Variants in SSH2 observed in about 807,000 individuals in gnomAD.
The protein encoded by SSH2 is protein phosphatase Slingshot homolog 2.
Under a neutral mutation model 135.2 loss-of-function variants are expected in SSH2, and 37 were observed. That is an observed-to-expected ratio of 0.27 (90% confidence interval 0.21 to 0.36). The LOEUF (loss-of-function observed/expected upper bound fraction) is 0.36. Among genes scored for constraint, SSH2 ranks in the 10% least tolerant of loss-of-function variants. The pLI, the probability that SSH2 is intolerant of heterozygous loss-of-function variation, is 1.00. For synonymous variants in SSH2, 628 were observed against 646.2 expected, an observed-to-expected ratio of 0.97 and a Z score of 0.43; for missense variants, 1,408 against 1,765.3, an observed-to-expected ratio of 0.80 and a Z score of 3.63.
At chr17:29,916,596 G>A (rs1396013149) in intron 1 of SSH2, among the ~76,000 whole-genome samples, 1 of 151,934 alleles carries the variant, frequency 6.6e-6, no homozygotes, top group Non-Finnish European at 1.5e-5. Context: ...GAGTAGCTGG[G>A]ATAACAGGCG....
At chr17:29,762,715 C>T (rs956912585) in intron 3 of SSH2, among the ~76,000 whole-genome samples, 4 of 152,104 alleles carry the variant, frequency 2.6e-5, no homozygotes, top group Non-Finnish European at 5.9e-5. Context: ...TATGACTGCG[C>T]TCTCTCTCTC....
At chr17:29,700,041 A>G (rs1335448452) in intron 4 of SSH2, among the ~76,000 whole-genome samples, 1 of 152,226 alleles carries the variant, frequency 6.6e-6, no homozygotes, top group Non-Finnish European at 1.5e-5. Flanking sequence ...GTGAAGGCCC[A>G]AACAAGTAGT....
intron 15 of SSH2, among the ~76,000 whole-genome samples, chr17:29,635,184 G>T (rs536838810): frequency 1.3e-5 from 2 of 152,258 alleles, no homozygotes; most frequent in Non-Finnish European, 2.9e-5. Flanking sequence ...TTACAGGCGT[G>T]AGCCACCGCG....
chr17:29,753,535 G>A (rs143725324), intron 3 of SSH2, among the ~76,000 whole-genome samples: 61 of 151,652 alleles, frequency 4.0e-4, no homozygotes, highest in Middle Eastern at 3.4e-3. Flanking sequence ...GGTGCCTCAC[G>A]TCTGTACTCC....
intron 1 of SSH2, among the ~76,000 whole-genome samples, chr17:29,913,347 A>ATTATATATATATAT (rs1429739888): frequency 3.5e-5 from 1 of 28,786 alleles, no homozygotes; most frequent in Non-Finnish European, 5.9e-5. Context: ...AAAAAAAAAA[A>ATTATATATATATAT]ATATATATAT....
rs576327909 is a variant in SSH2 at position 29,647,741 on chromosome 17, C to T, written c.1427+403G>A. 4.3e-5 allele frequency: 9 copies of T among 209,194 alleles called. No homozygotes were observed. In the East Asian group the frequency reaches 1.0e-3, roughly 24 times the overall value. 13.0% of individuals were successfully genotyped at this position (209,194 alleles called of 1,614,324 possible). A position where few individuals can be genotyped will look rare whatever the true frequency, so the allele number is the denominator to read the frequency against. On this transcript the variant is annotated intron_variant, in intron 14 of 15. Transcript: ENST00000540801. Reference sequence around the variant, plus strand: ...TGCATGGTACAATCTCAGCTCACTGCAACCTCTGCCTCCCAGGTTCAAGCG... The same window carrying T: ...TGCATGGTACAATCTCAGCTCACTGTAACCTCTGCCTCCCAGGTTCAAGCG...
Position 29,742,031 on chromosome 17 carries a change from T to C in SSH2, c.189-38969A>G, listed in dbSNP as rs538058009. 2.0e-4 allele frequency among the ~76,000 whole-genome samples: 29 copies of C among 148,062 alleles called. 1 individual carries two copies. In the South Asian group the frequency reaches 6.3e-3, roughly 32 times the overall value. On this transcript the variant is annotated intron_variant, in intron 3 of 15. Coordinates refer to ENST00000540801, the MANE Select transcript of SSH2 (RefSeq NM_001282129.2). ...CTCACTGCAACTTCCGCCTCCCGGG[T>C]TCAAACAATTCTTCTGCCTCAGGCT...
intron 3 of SSH2, among the ~76,000 whole-genome samples, chr17:29,722,264 A>C (rs1237943322): frequency 1.4e-5 from 2 of 146,358 alleles, no homozygotes; most frequent in Non-Finnish European, 3.0e-5. Context: ...ATAGAACGGG[A>C]CATTATCTCA....
chr17:29,690,505 C>A (rs1391741302), intron 5 of SSH2, among the ~76,000 whole-genome samples: 1 of 151,638 alleles, frequency 6.6e-6, no homozygotes, highest in Non-Finnish European at 1.5e-5. Flanking sequence ...AAATTAATTA[C>A]CCCCAGTAAA....
At chr17:29,696,338 ATG>A (rs1445979773) in intron 4 of SSH2, among the ~76,000 whole-genome samples, 1 of 148,274 alleles carries the variant, frequency 6.7e-6, no homozygotes, top group African/African-American at 2.5e-5. Context: ...ATATACACAT[ATG>A]TGTGTATATA....
rs555077152 is a variant in SSH2 at position 29,734,273 on chromosome 17, T to C, written c.189-31211A>G. Among the ~76,000 whole-genome samples the C allele has an allele frequency of 1.7e-4, 26 of 152,242 alleles. No homozygotes were observed. In the South Asian group the frequency reaches 4.6e-3, roughly 27 times the overall value. On this transcript the variant is annotated intron_variant, in intron 3 of 15. Transcript: ENST00000540801. ...GAGTTTTCTGAAGGCTTTCAAGACATAGAAAGGCTTTCTATGCCTTGAGAA... is the reference window on the plus strand; with the variant it reads ...GAGTTTTCTGAAGGCTTTCAAGACACAGAAAGGCTTTCTATGCCTTGAGAA...
intron 1 of SSH2, among the ~76,000 whole-genome samples, chr17:29,903,422 T>C (rs960262033): frequency 1.3e-5 from 2 of 151,380 alleles, no homozygotes; most frequent in Non-Finnish European, 2.9e-5. Context: ...TTTCAGAATA[T>C]CTGCTTGGAA....
At chr17:29,771,073 A>C (rs1363813287) in intron 3 of SSH2, among the ~76,000 whole-genome samples, 13 of 152,340 alleles carry the variant, frequency 8.5e-5, no homozygotes, top group Non-Finnish European at 1.8e-4. Flanking sequence ...ATTTGAACCT[A>C]CGTCTTCTGA....
At chr17:29,910,856 T>C (rs964307414) in intron 1 of SSH2, among the ~76,000 whole-genome samples, 1 of 152,264 alleles carries the variant, frequency 6.6e-6, no homozygotes, top group East Asian at 1.9e-4. Flanking sequence ...TTATTATTTG[T>C]ATGGGATTGT....
At position 29,631,999 on chromosome 17, in the gene SSH2, C is replaced by T. The variant is rs2035699970; in HGVS notation, c.3195G>A (p.Glu1065=). Residue 1065 remains glutamate, a synonymous_variant, in exon 16 of 16, where the codon GAG becomes GAA. Transcript: ENST00000540801. Reference sequence around the variant, plus strand: ...CCATGTTCACTTTCCTCAGCCCTTGCTCTCCGCTCTTCTCACTGGTGGCTA... The same window carrying T: ...CCATGTTCACTTTCCTCAGCCCTTGTTCTCCGCTCTTCTCACTGGTGGCTA... The part of the protein sequence containing the change: ...SEIATSEKSG[E]QGLRKVNMEK... The T allele has an allele frequency of 1.2e-6, 2 of 1,614,200 alleles. No individual in the cohort carries two copies. The highest frequency in any genetic ancestry group is 1.7e-6 in the Non-Finnish European group (2 of 1,180,032).
rs1353988093 is a variant in SSH2 at position 29,850,415 on chromosome 17, A to G, written c.64-1486T>C. ...CTTATAACTACTTCATGGCTATCCT[A>G]GTTGATTCCTACTTTAATTTTTCAC... On this transcript the variant is annotated intron_variant, in intron 1 of 15. Transcript: ENST00000540801. Among the ~76,000 whole-genome samples, 3 of 152,204 alleles carry G rather than the reference A, an allele frequency of 2.0e-5. No individual in the cohort carries two copies. The East Asian group carries it at 5.8e-4, about 29-fold the overall frequency.
intron 6 of SSH2, among the ~76,000 whole-genome samples, chr17:29,678,304 C>T (rs2037814436): frequency 6.6e-6 from 1 of 152,092 alleles, no homozygotes; most frequent in African/African-American, 2.4e-5. Flanking sequence ...CCATGTTGGC[C>T]AGGCTAGTCT....
intron 2 of SSH2, among the ~76,000 whole-genome samples, chr17:29,845,036 G>A (rs1568010053): frequency 1.3e-5 from 2 of 152,302 alleles, no homozygotes; most frequent in Non-Finnish European, 2.9e-5. Context: ...CTACTCCCCT[G>A]GGCCCAGTGA....
chr17:29,761,514 C>T (rs1044126088), intron 3 of SSH2: 15 of 846,222 alleles, frequency 1.8e-5, no homozygotes, highest in Non-Finnish European at 2.1e-5. Flanking sequence ...GTAGGCCCGG[C>T]CGGCGCCCCG....
Sources: gnomAD v4.1 joint callset for allele counts (sites outside exome capture counted in the v4.1 genomes callset) on GRCh38, gnomAD v4.1.1 for gene constraint, MANE v1.5 for transcripts, NCBI Gene and HGNC (gene_info 2026-07-23, HGNC 2026-07-21) for gene names.